Variants in IGF2R observed in about 807,000 individuals in gnomAD.
IGF2R encodes the protein insulin like growth factor 2 receptor, also known as cation-independent mannose-6-phosphate receptor.
A neutral mutation model predicts 270.6 loss-of-function variants in IGF2R; 91 were observed. The ratio of observed to expected loss-of-function variants is 0.34; its 90% CI spans 0.28 to 0.40. The LOEUF (loss-of-function observed/expected upper bound fraction) is 0.40. Ranked by LOEUF, IGF2R falls within the 10% of genes least tolerant of loss-of-function variation. The pLI is 1.00. For missense variants in IGF2R, 2,805 were observed against 3,188.3 expected, an observed-to-expected ratio of 0.88 and a Z score of 2.90; for synonymous variants, 1,316 against 1,258.9, an observed-to-expected ratio of 1.05 and a Z score of -0.96.
In IGF2R at chr6:159,995,997, A is replaced by AT. The variant is rs1172142793; in HGVS notation, c.289+4685dup. Among the ~76,000 whole-genome samples the AT allele has an allele frequency of 6.1e-3, 705 of 115,254 alleles. 5 individuals carry two copies. The highest frequency in any genetic ancestry group is 0.02 in the African/African-American group (592 of 30,350). The allele number at this position is 115,254 out of a possible 152,430, so 75.6% of individuals were successfully genotyped here. ...TTATTTTTGAATTTACTTTGGCAGG[A>AT]TTTTTTTTTTTCCCTTGAGAATGTG... On this transcript the variant is annotated intron_variant, in intron 2 of 47. Transcript: ENST00000356956.
chr6:160,088,081 A>T lies in IGF2R; in HGVS notation c.6254A>T (p.Asn2085Ile), dbSNP rs774919148. The change falls in exon 42 of 48, where the codon AAT becomes ATT. Residue 2085 changes from asparagine (N) to isoleucine (I), a missense_variant. Physicochemically the swap from Asn to Ile is moderately radical, Grantham distance 149 (BLOSUM62 -3). Coordinates refer to ENST00000356956, the MANE Select transcript of IGF2R (RefSeq NM_000876.4). The part of the protein sequence containing the change: ...TYSKGYPCGG[N>I]KTASSVIELT... ...TCCAAAGGTTATCCGTGTGGTGGAAATAAGACCGCATCCTCCGTGATAGAA... is the reference window on the plus strand; with the variant it reads ...TCCAAAGGTTATCCGTGTGGTGGAATTAAGACCGCATCCTCCGTGATAGAA... 4 of 1,614,018 alleles carry T rather than the reference A, an allele frequency of 2.5e-6. No individual in the cohort carries two copies. The South Asian group carries it at 3.3e-5, about 13-fold the overall frequency.
chr6:160,066,345 T>TC (rs750827906), intron 29 of IGF2R, among the ~76,000 whole-genome samples: 25 of 151,650 alleles, frequency 1.6e-4, no homozygotes, highest in Non-Finnish European at 3.4e-4. Context: ...AGACAGGGTT[T>TC]CACCATGTTG....
intron 4 of IGF2R, among the ~76,000 whole-genome samples, chr6:160,021,885 C>T (rs1777445169): frequency 6.6e-6 from 1 of 152,176 alleles, no homozygotes; most frequent in African/African-American, 2.4e-5. Context: ...TACTGGGTAT[C>T]TACACAAAGT....
At chr6:160,049,836 G>T (rs1778153415) in intron 18 of IGF2R, among the ~76,000 whole-genome samples, 1 of 152,204 alleles carries the variant, frequency 6.6e-6, no homozygotes, top group Non-Finnish European at 1.5e-5. Context: ...CTGATGTGCG[G>T]CCAGTCAGTA....
intron 1 of IGF2R, among the ~76,000 whole-genome samples, chr6:159,985,676 A>C (rs1246165990): frequency 1.3e-5 from 2 of 152,144 alleles, no homozygotes; most frequent in Admixed American, 1.3e-4. Context: ...GAGCTGTATG[A>C]AGTGCCATGG....
rs149500448 is a variant in IGF2R, at chr6:160,056,885, G to T, written c.2796+360G>T. ...CACTCCACACCTAAACCATCTCAGT[G>T]CCTGTCCCCTAGAGGGTAGAGCCCG... On this transcript the variant is annotated intron_variant, in intron 20 of 47. Transcript: ENST00000356956. Among the ~76,000 whole-genome samples, 110 of 152,276 alleles carry T rather than the reference G, an allele frequency of 7.2e-4. 3 individuals carry two copies. The East Asian group carries it at 0.019, about 26-fold the overall frequency.
intron 2 of IGF2R, among the ~76,000 whole-genome samples, chr6:159,993,129 C>G (rs1317578684): frequency 6.6e-6 from 1 of 152,012 alleles, no homozygotes; most frequent in African/African-American, 2.4e-5. Flanking sequence ...TGTTTGAGTT[C>G]CTTGTAGATT....
chr6:160,060,912 A>G lies in IGF2R; in HGVS notation c.3262+195A>G, dbSNP rs143384578. 1.9e-3 allele frequency among the ~76,000 whole-genome samples: 291 copies of G among 152,332 alleles called. 1 individual carries two copies. The highest frequency in any genetic ancestry group is 6.8e-3 in the African/African-American group (281 of 41,564). On this transcript the variant is annotated intron_variant, in intron 23 of 47. Transcript: ENST00000356956. ...TAGAGTTGTAATGTTTTTCTTGAAG[A>G]GAATCTGACTATATAGTTAATGGTT... is the stretch of plus-strand genomic sequence containing the variant.
Position 160,069,980 on chromosome 6 carries a change from C to A in IGF2R, c.4365C>A (p.Tyr1455Ter), listed in dbSNP as rs780307175. 6.2e-7 allele frequency: 1 copy of A among 1,614,200 alleles called. No individual in the cohort carries two copies. The highest frequency in any genetic ancestry group is 8.5e-7 in the Non-Finnish European group (1 of 1,180,030). ...GAGATGGCATAATTGTCCTGAAATA[C>A]GTTGATGGCGACTTATGTCCAGATG... ...QWRDGIIVLKYVDGDLCPDGI... is the reference protein window; with the variant it reads ...QWRDGIIVLK Residue 1455 changes from tyrosine to a stop codon, truncating the protein, a stop_gained, in exon 31 of 48, where the codon TAC becomes TAA. Transcript: ENST00000356956. LOFTEE classifies it high-confidence loss of function.
intron 19 of IGF2R, among the ~76,000 whole-genome samples, chr6:160,055,355 A>T (rs1026102094): frequency 2.0e-5 from 3 of 152,084 alleles, no homozygotes; most frequent in Non-Finnish European, 2.9e-5. Flanking sequence ...CTGTGATACC[A>T]TATTTAGTTT....
At chr6:160,081,289 C>G (rs923722230) in intron 39 of IGF2R, among the ~76,000 whole-genome samples, 2 of 151,832 alleles carry the variant, frequency 1.3e-5, no homozygotes, top group Non-Finnish European at 2.9e-5. Context: ...AGCTGGTGTC[C>G]GGGGGAGACA....
chr6:160,042,157 T>G (rs1159215883), intron 11 of IGF2R, among the ~76,000 whole-genome samples: 1 of 152,216 alleles, frequency 6.6e-6, no homozygotes, highest in South Asian at 2.1e-4. Context: ...AAGTAAATTA[T>G]GAAGGGAGAG....
chr6:160,073,460 C>T lies in IGF2R; in HGVS notation c.4938C>T (p.Cys1646=), dbSNP rs148177604. ...TCTCCTGGCACACGCCGCTGGCCTG[C>T]GAGCAAGCGGTGAGTTTTCAGATGG... is the stretch of plus-strand genomic sequence containing the variant. ...LFFSWHTPLA[C]EQATECSVRN... is the part of the protein sequence containing the mutation. The change falls in exon 34 of 48, where the codon TGC becomes TGT. Residue 1646 remains cysteine (C), a synonymous_variant. Coordinates refer to ENST00000356956, the MANE Select transcript of IGF2R (RefSeq NM_000876.4). 2.0e-5 allele frequency: 32 copies of T among 1,614,042 alleles called. No individual in the cohort carries two copies. The highest frequency in any genetic ancestry group is 3.3e-5 in the South Asian group (3 of 91,096).
At chr6:159,986,430 GTTTTTTT>G (rs5741634) in intron 1 of IGF2R, among the ~76,000 whole-genome samples, 25 of 116,872 alleles carry the variant, frequency 2.1e-4, no homozygotes, top group African/African-American at 4.7e-4. Flanking sequence ...GTGTGTGTGT[GTTTTTTT>G]TTTTTTTTTA....
intron 41 of IGF2R, 142 bp downstream of exon 41, chr6:160,085,273 G>A (rs1779075684): frequency 1.2e-6 from 1 of 841,380 alleles, no homozygotes; most frequent in South Asian, 1.8e-5. Flanking sequence ...TGTCTCACAG[G>A]CATTTTGGCT....
rs528000486 is a variant in IGF2R at position 159,982,059 on chromosome 6, C to T, written c.150-9125C>T. Among the ~76,000 whole-genome samples, 264 of 152,324 alleles carry T rather than the reference C, an allele frequency of 1.7e-3. 1 individual carries two copies. The highest frequency in any genetic ancestry group is 3.0e-3 in the Non-Finnish European group (206 of 68,024). ...AGCTCTGGCCATGCTGTGTCAAACT[C>T]ACGTGCTTCCCCAGCCTTCAGCTCG... On this transcript the variant is annotated intron_variant, in intron 1 of 47. Coordinates refer to ENST00000356956, the MANE Select transcript of IGF2R (RefSeq NM_000876.4).
chr6:160,076,867 A>G (rs1778865467), intron 36 of IGF2R, among the ~76,000 whole-genome samples: 2 of 152,238 alleles, frequency 1.3e-5, no homozygotes, highest in Non-Finnish European at 1.5e-5. Flanking sequence ...GCCTCTTAAA[A>G]TCCTAATAAA....
At chr6:160,061,999 A>T in intron 25 of IGF2R, 71 bp downstream of exon 25, 1 of 1,432,874 alleles carries the variant, frequency 7.0e-7, no homozygotes, top group Non-Finnish European at 9.7e-7. Flanking sequence ...TGAACCTCTG[A>T]ATCTTCTATC....
At chr6:160,081,984 A>C (rs1173328359) in intron 39 of IGF2R, among the ~76,000 whole-genome samples, 1 of 152,240 alleles carries the variant, frequency 6.6e-6, no homozygotes, top group Non-Finnish European at 1.5e-5. Flanking sequence ...ATACATCCTC[A>C]GCTTACGAAG....
Sources: gnomAD v4.1 joint callset for allele counts (sites outside exome capture counted in the v4.1 genomes callset) on GRCh38, gnomAD v4.1.1 for gene constraint, MANE v1.5 for transcripts, NCBI Gene and HGNC (gene_info 2026-07-23, HGNC 2026-07-21) for gene names.